The following LARP4B variants were observed in gnomAD, a reference collection of about 807,000 sequenced individuals.
LARP4B encodes the protein La ribonucleoprotein 4B, also known as la-related protein 4B.
In LARP4B, 12 loss-of-function variants were observed where a neutral mutation model predicts 89.8. The ratio of observed to expected loss-of-function variants is 0.13; its 90% confidence interval spans 0.09 to 0.22. The LOEUF is 0.22. Among genes scored for constraint, LARP4B ranks in the 10% least tolerant of loss-of-function variants. The pLI is 1.00. For synonymous variants in LARP4B, 367 were observed against 363.3 expected (o/e 1.01, Z -0.12); for missense variants, 757 against 947.7 (o/e 0.80, Z 2.64).
At chr10:903,138 G>T (rs543038460) in intron 1 of LARP4B, 1 of 152,334 alleles carries the variant, frequency 6.6e-6, no homozygotes, top group Admixed American at 6.5e-5. Context: ...ATGTGTGCTG[G>T]ATGCCCAGGA....
chr10:985,154 C>G, the LARP4B span: 1 of 152,206 alleles, frequency 6.6e-6, no homozygotes, highest in Non-Finnish European at 1.5e-5. Context: ...ATCACACCCA[C>G]CTCACTATGC....
At chr10:890,831 T>G (rs1044619097) in intron 1 of LARP4B, among the ~76,000 whole-genome samples, 1 of 152,188 alleles carries the variant, frequency 6.6e-6, no homozygotes, top group Non-Finnish European at 1.5e-5. Flanking sequence ...GGGGGTTTTC[T>G]ACGAGAGAAC....
At chr10:957,464 C>T in the LARP4B span, among the ~76,000 whole-genome samples, 1 of 152,110 alleles carries the variant, frequency 6.6e-6, no homozygotes, top group Non-Finnish European at 1.5e-5. Context: ...CCATATCCAG[C>T]CTGTAGTTCA....
chr10:849,916 A>T (rs576065807), intron 5 of LARP4B, among the ~76,000 whole-genome samples: 1 of 152,370 alleles, frequency 6.6e-6, no homozygotes, highest in African/African-American at 2.4e-5. Flanking sequence ...AACTACCACA[A>T]ACAAGGAAAG....
At chr10:931,227 C>T (rs1165746059) in intron 1 of LARP4B, among the ~76,000 whole-genome samples, 1 of 149,444 alleles carries the variant, frequency 6.7e-6, no homozygotes, top group African/African-American at 2.4e-5. Context: ...CTCCTCAGCC[C>T]TGGCCCTTCC....
chr10:922,803 T>G lies in LARP4B; in HGVS notation c.-40+8625A>C, dbSNP rs1028319730. On this transcript the variant is annotated intron_variant, in intron 1 of 17. Transcript: ENST00000316157. The stretch of plus-strand genomic sequence containing the variant: ...ATCATGCTACGCAGGCCGGGCACAG[T>G]GGCTCACGCCTGTAATCCCAACACT... Among the ~76,000 whole-genome samples the G allele has an allele frequency of 9.3e-4, 141 of 152,212 alleles. 2 individuals are homozygous for G. Among genetic ancestry groups the G allele is most frequent in the Non-Finnish European group, 3.2e-4 (22 of 68,040 alleles).
chr10:855,361 G>T (rs1301118637), intron 5 of LARP4B, among the ~76,000 whole-genome samples: 1 of 152,096 alleles, frequency 6.6e-6, no homozygotes, highest in Non-Finnish European at 1.5e-5. Flanking sequence ...TCTAGTTTTT[G>T]ATTAAAAGTG....
intron 1 of LARP4B, among the ~76,000 whole-genome samples, chr10:905,365 TAATA>T (rs1347650612): frequency 9.9e-5 from 15 of 152,240 alleles, no homozygotes; most frequent in Admixed American, 2.6e-4. Context: ...TTAATATTCC[TAATA>T]TATACGTATT....
chr10:901,273 G>C (rs1458294115), intron 1 of LARP4B, among the ~76,000 whole-genome samples: 1 of 152,184 alleles, frequency 6.6e-6, no homozygotes, highest in Admixed American at 6.5e-5. Context: ...TATCTAAATA[G>C]AGAAGTGCAG....
At chr10:850,182 G>A (rs1833970126) in intron 5 of LARP4B, among the ~76,000 whole-genome samples, 1 of 152,152 alleles carries the variant, frequency 6.6e-6, no homozygotes, top group Admixed American at 6.5e-5. Flanking sequence ...AAAACAAATA[G>A]CAAGATGAGA....
intron 5 of LARP4B, among the ~76,000 whole-genome samples, chr10:851,666 T>C (rs945121608): frequency 5.3e-5 from 8 of 152,126 alleles, no homozygotes; most frequent in Admixed American, 1.3e-4. Flanking sequence ...TCAGATGAAA[T>C]AGACCAAATC....
chr10:910,243 A>C (rs1836631596), intron 1 of LARP4B, among the ~76,000 whole-genome samples: 1 of 152,046 alleles, frequency 6.6e-6, no homozygotes, highest in African/African-American at 2.4e-5. Context: ...TCTACTTCCA[A>C]CTTCTGCTAA....
chr10:825,711 C>A (rs532074478), intron 12 of LARP4B, 53 bp downstream of exon 12: 16 of 1,214,902 alleles, frequency 1.3e-5, no homozygotes, highest in Non-Finnish European at 1.7e-5. Flanking sequence ...ATCCCAACTC[C>A]GGAAGGGCAG....
the LARP4B span, among the ~76,000 whole-genome samples, chr10:964,373 T>C: frequency 1.5e-3 from 228 of 152,288 alleles, 1 homozygote; most frequent in African/African-American, 5.3e-3. Flanking sequence ...CCCAGATTCA[T>C]TTTTTGAAAT....
chr10:865,760 C>A (rs544694943), intron 3 of LARP4B, among the ~76,000 whole-genome samples: 1 of 152,340 alleles, frequency 6.6e-6, no homozygotes, highest in South Asian at 2.1e-4. Context: ...AACAAACTTA[C>A]ACATGATTTG....
intron 15 of LARP4B, among the ~76,000 whole-genome samples, chr10:816,500 A>C (rs1025266307): frequency 6.6e-6 from 1 of 152,164 alleles, no homozygotes; most frequent in Admixed American, 6.5e-5. Context: ...CTTTTCAAAG[A>C]AGCAATTCTT....
intron 7 of LARP4B, among the ~76,000 whole-genome samples, chr10:837,422 T>A (rs1833278902): frequency 6.6e-6 from 1 of 152,204 alleles, no homozygotes. Context: ...ATACAATCAA[T>A]GCAATCCCAA....
intron 1 of LARP4B, among the ~76,000 whole-genome samples, chr10:913,845 G>A (rs1049433205): frequency 1.3e-5 from 2 of 152,196 alleles, no homozygotes; most frequent in Non-Finnish European, 2.9e-5. Context: ...GGAGGCTGAC[G>A]TTGCAGTGAG....
rs1273895485 is a variant in LARP4B at position 900,941 on chromosome 10, C to T, written c.-39-15181G>A. Among the ~76,000 whole-genome samples, 91 of 80,032 alleles carry T rather than the reference C, an allele frequency of 1.1e-3. 2 individuals carry two copies. Among genetic ancestry groups the T allele is most frequent in the Non-Finnish European group, 2.0e-3 (82 of 40,146 alleles). The allele number at this position is 80,032 out of a possible 152,430, so 52.5% of individuals were successfully genotyped here. On this transcript the variant is annotated intron_variant, in intron 1 of 17. Transcript: ENST00000316157. Reference sequence around the variant, plus strand: ...CCTCTTTTTTTTTTTTTTTTTGAGACGGAGTCTTGCTCTTTTTGCCCAGGC... The same window carrying T: ...CCTCTTTTTTTTTTTTTTTTTGAGATGGAGTCTTGCTCTTTTTGCCCAGGC...
Sources: gnomAD v4.1 joint callset for allele counts (sites outside exome capture counted in the v4.1 genomes callset) on GRCh38, gnomAD v4.1.1 for gene constraint, MANE v1.5 for transcripts, NCBI Gene and HGNC (gene_info 2026-07-23, HGNC 2026-07-21) for gene names.